Variants in CELF4 observed in about 807,000 individuals in gnomAD.
The protein encoded by CELF4 is CUG-BP- and ETR-3-like factor 4.
CELF4 carries 18 observed loss-of-function variants against 59.9 expected under a neutral mutation model. The observed-to-expected ratio is 0.30, with a 90% CI of 0.21 to 0.45. The LOEUF is 0.45. Among genes scored for constraint, CELF4 ranks in the 20% least tolerant of loss-of-function variants. CELF4 has a pLI of 1.00. For synonymous variants in CELF4, 261 were observed against 267.1 expected, an observed-to-expected ratio of 0.98 and a Z score of 0.22; for missense variants, 456 against 689.0, an observed-to-expected ratio of 0.66 and a Z score of 3.79.
intron 1 of CELF4, among the ~76,000 whole-genome samples, chr18:37,533,342 G>T (rs1303213692): frequency 6.6e-6 from 1 of 152,154 alleles, no homozygotes; most frequent in African/African-American, 2.4e-5. Flanking sequence ...CCTCCACTAC[G>T]GCAGGTGAGA....
rs1007624098 is a variant in CELF4 at position 37,448,093 on chromosome 18, C to T, written c.369+37432G>A. ...AAATGATCTAGAGCCATGAGGCAGT[C>T]GAATGGCCAGTTGTGCAGAGCATCG... is the stretch of plus-strand genomic sequence containing the variant. On this transcript the variant is annotated intron_variant, in intron 2 of 12. Transcript: ENST00000420428. Among the ~76,000 whole-genome samples the T allele has an allele frequency of 7.9e-5, 12 of 152,318 alleles. No individual in the cohort carries two copies. In the South Asian group the frequency reaches 1.9e-3, roughly 24 times the overall value.
At chr18:37,466,061 C>T (rs993547033) in intron 2 of CELF4, among the ~76,000 whole-genome samples, 2 of 152,194 alleles carry the variant, frequency 1.3e-5, no homozygotes, top group Non-Finnish European at 2.9e-5. Flanking sequence ...CTCTGCCATC[C>T]CCCTTTCTAG....
chr18:37,534,020 C>T (rs1045522094), intron 1 of CELF4, among the ~76,000 whole-genome samples: 2 of 152,222 alleles, frequency 1.3e-5, no homozygotes, highest in Middle Eastern at 3.2e-3. Flanking sequence ...GCTGACCCAG[C>T]CAGGACTGTG....
intron 2 of CELF4, among the ~76,000 whole-genome samples, chr18:37,380,403 A>G (rs1299509469): frequency 1.3e-5 from 2 of 151,988 alleles, no homozygotes; most frequent in Non-Finnish European, 1.5e-5. Context: ...TCTTTGCCCA[A>G]TTGCCCACTC....
chr18:37,313,576 T>C (rs956510659), intron 3 of CELF4, among the ~76,000 whole-genome samples: 1 of 151,514 alleles, frequency 6.6e-6, no homozygotes, highest in Non-Finnish European at 1.5e-5. Flanking sequence ...TGGCTAGGGG[T>C]CTCCCCAGCC....
chr18:37,366,009 G>A (rs1208935306), intron 2 of CELF4, among the ~76,000 whole-genome samples: 1 of 152,162 alleles, frequency 6.6e-6, no homozygotes, highest in African/African-American at 2.4e-5. Context: ...AGGGAGGCAG[G>A]CTTTAGGTCA....
intron 2 of CELF4, among the ~76,000 whole-genome samples, chr18:37,471,779 G>A (rs1303748965): frequency 2.0e-5 from 3 of 152,194 alleles, no homozygotes; most frequent in Non-Finnish European, 4.4e-5. Flanking sequence ...AGCACCTAGC[G>A]CGGGGCTATG....
intron 2 of CELF4, among the ~76,000 whole-genome samples, chr18:37,332,519 C>G (rs889464790): frequency 2.6e-5 from 4 of 152,158 alleles, no homozygotes; most frequent in African/African-American, 9.7e-5. Context: ...TCCCATCCCT[C>G]TCCGAGCCTC....
chr18:37,512,728 C>G (rs971770021), intron 1 of CELF4, among the ~76,000 whole-genome samples: 1 of 151,704 alleles, frequency 6.6e-6, no homozygotes, highest in African/African-American at 2.4e-5. Context: ...TCCTCCTCCT[C>G]CCCTTTCTCC....
chr18:37,539,073 A>AACGCCCTCC lies in CELF4; in HGVS notation c.286+26274_286+26282dup, dbSNP rs202136726. Among the ~76,000 whole-genome samples, 790 of 152,210 alleles carry AACGCCCTCC rather than the reference A, an allele frequency of 5.2e-3. 7 individuals are homozygous for AACGCCCTCC. Among genetic ancestry groups the AACGCCCTCC allele is most frequent in the African/African-American group, 0.018 (745 of 41,552 alleles). On this transcript the variant is annotated intron_variant, in intron 1 of 12. Coordinates refer to ENST00000420428, the MANE Select transcript of CELF4 (RefSeq NM_020180.4). The stretch of plus-strand genomic sequence containing the variant: ...AATCCTCGGTCTCATCAGGGTTCTC[A>AACGCCCTCC]ACGCCCTCCCCGACATGACAGACTC...
rs1183407634 is a variant in CELF4, at chr18:37,254,160, G to A, written c.1334-222C>T. On this transcript the variant is annotated intron_variant, in intron 11 of 12. Coordinates refer to ENST00000420428, the MANE Select transcript of CELF4 (RefSeq NM_020180.4). This position sits in a 1 kb window ranked among gnomAD's most constrained non-coding sequence, Gnocchi z 5.1. ...GCGGGGACCCGGCTCGCTGACCTGC[G>A]CCTAGTCTCTGGCCGCGTCACTCGC... is the stretch of plus-strand genomic sequence containing the variant. Among the ~76,000 whole-genome samples, 2 of 150,698 alleles carry A rather than the reference G, an allele frequency of 1.3e-5. No individual in the cohort carries two copies. The highest frequency in any genetic ancestry group is 3.9e-4 in the East Asian group (2 of 5,076).
rs116461255 is a variant in CELF4 at position 37,248,389 on chromosome 18, G to A, written c.*45-3192C>T. On this transcript the variant is annotated intron_variant, in intron 12 of 12. Transcript: ENST00000420428. ...TGCATCTAGGCACATGAAGCCCTTC[G>A]AAGGTTCTGCAGCCCTGACCCATAA... 2.9e-3 allele frequency among the ~76,000 whole-genome samples: 444 copies of A among 152,276 alleles called. 3 individuals are homozygous for A. The highest frequency in any genetic ancestry group is 0.01 in the African/African-American group (426 of 41,546).
At chr18:37,533,023 G>A (rs911895218) in intron 1 of CELF4, among the ~76,000 whole-genome samples, 3 of 152,204 alleles carry the variant, frequency 2.0e-5, no homozygotes, top group African/African-American at 7.2e-5. Flanking sequence ...GAATTATCTG[G>A]GTTGTTGCCA....
intron 1 of CELF4, among the ~76,000 whole-genome samples, chr18:37,514,860 G>A (rs886672938): frequency 2.0e-5 from 3 of 151,656 alleles, no homozygotes; most frequent in African/African-American, 7.3e-5. Flanking sequence ...TAACTGGACC[G>A]GGTGGAAATT....
At chr18:37,436,185 G>A (rs1569569408) in intron 2 of CELF4, among the ~76,000 whole-genome samples, 2 of 152,320 alleles carry the variant, frequency 1.3e-5, no homozygotes, top group East Asian at 1.9e-4. Context: ...CAGGCCTGGC[G>A]CTGGCTCGCT....
intron 2 of CELF4, among the ~76,000 whole-genome samples, chr18:37,350,982 G>T (rs1330574784): frequency 1.3e-5 from 2 of 152,288 alleles, no homozygotes; most frequent in Non-Finnish European, 2.9e-5. Context: ...TGCCTTCAAG[G>T]TTACCCAAGT....
intron 3 of CELF4, among the ~76,000 whole-genome samples, chr18:37,276,850 C>G (rs1478057121): frequency 6.6e-6 from 1 of 152,232 alleles, no homozygotes; most frequent in East Asian, 1.9e-4. Context: ...TGGATGATTA[C>G]ATGATTGACA....
chr18:37,500,659 G>A (rs1313217566), intron 1 of CELF4, among the ~76,000 whole-genome samples: 4 of 150,646 alleles, frequency 2.7e-5, no homozygotes, highest in Non-Finnish European at 4.4e-5. Flanking sequence ...TCAGCCTCCC[G>A]AGTAGTTGGG....
chr18:37,479,558 C>T lies in CELF4; in HGVS notation c.369+5967G>A, dbSNP rs532392587. 2.3e-4 allele frequency among the ~76,000 whole-genome samples: 35 copies of T among 152,270 alleles called. 1 individual carries two copies. The highest frequency in any genetic ancestry group is 6.2e-4 in the South Asian group (3 of 4,824). On this transcript the variant is annotated intron_variant, in intron 2 of 12. Transcript: ENST00000420428. Reference sequence around the variant, plus strand: ...AAAAGGACAGATGAGTACTTCTTTTCAGGGAATATGAGAAAGAAGAAAGAT... The same window carrying T: ...AAAAGGACAGATGAGTACTTCTTTTTAGGGAATATGAGAAAGAAGAAAGAT...
Sources: allele counts gnomAD v4.1 joint callset (sites outside exome capture counted in the v4.1 genomes callset), GRCh38; gene constraint gnomAD v4.1.1; non-coding constraint Gnocchi (gnomAD v3.1); transcripts MANE v1.5; gene names NCBI Gene and HGNC (gene_info 2026-07-23, HGNC 2026-07-21).